CSMD1: variants seen among roughly 807,000 people sequenced by gnomAD.
CSMD1 encodes the protein CUB and Sushi multiple domains 1, also known as CUB and sushi domain-containing protein 1.
In CSMD1, 213 loss-of-function variants were observed where a neutral mutation model predicts 417.5. That is an observed-to-expected ratio of 0.51 (90% CI 0.46 to 0.57). The LOEUF (loss-of-function observed/expected upper bound fraction) is 0.57, where lower values mean the gene tolerates loss of function less well. CSMD1 is among the 20% of genes least tolerant of loss of function. The pLI, the probability that CSMD1 is intolerant of heterozygous loss-of-function variation, is 0.00. For synonymous variants in CSMD1, 2,862 were observed against 1,736.8 expected (o/e 1.65, Z -16.11); for missense variants, 6,923 against 4,529.7 (o/e 1.53, Z -15.17).
chr8:3,253,159 G>T (rs918212157), intron 26 of CSMD1, among the ~76,000 whole-genome samples: 6 of 151,450 alleles, frequency 4.0e-5, no homozygotes, highest in Admixed American at 1.3e-4. Context: ...TTCTCTTGTG[G>T]GCATTTAGTG....
At chr8:4,301,951 A>C (rs1798001824) in intron 3 of CSMD1, among the ~76,000 whole-genome samples, 1 of 152,322 alleles carries the variant, frequency 6.6e-6, no homozygotes, top group African/African-American at 2.4e-5. Context: ...CTAATGCCTT[A>C]TCCTTCTTAG....
intron 2 of CSMD1, among the ~76,000 whole-genome samples, chr8:4,603,006 T>A (rs1430956876): frequency 3.3e-5 from 5 of 152,024 alleles, no homozygotes; most frequent in Non-Finnish European, 7.4e-5. Context: ...GAACTATTTT[T>A]AATAATAAAA....
In CSMD1 at chr8:3,291,793, A is replaced by AT. The variant is rs755100972; in HGVS notation, c.3951-7448_3951-7447insA. On this transcript the variant is annotated intron_variant, in intron 25 of 69. Coordinates refer to ENST00000635120, the MANE Select transcript of CSMD1 (RefSeq NM_033225.6). ...AAAAAGTCAGCTCCTGGATTCATTG[A>AT]CTTTTTTAAGGGTTTTTTGCGTCTC... Among the ~76,000 whole-genome samples, 1,277 of 150,272 alleles carry AT rather than the reference A, an allele frequency of 8.5e-3. 4 individuals carry two copies. The highest frequency in any genetic ancestry group is 0.014 in the Non-Finnish European group (924 of 67,974).
intron 5 of CSMD1, among the ~76,000 whole-genome samples, chr8:3,881,024 A>G (rs1265820660): frequency 2.0e-5 from 3 of 152,158 alleles, no homozygotes; most frequent in African/African-American, 7.2e-5. Flanking sequence ...ATCATTTACA[A>G]TATCAATAAA....
intron 3 of CSMD1, among the ~76,000 whole-genome samples, chr8:4,340,811 T>C (rs1169506828): frequency 1.3e-5 from 2 of 152,100 alleles, no homozygotes; most frequent in African/African-American, 4.8e-5. Flanking sequence ...ACTATGCTGC[T>C]TACCCACTTC....
At chr8:4,774,469 G>A (rs948040761) in intron 1 of CSMD1, among the ~76,000 whole-genome samples, 3 of 152,106 alleles carry the variant, frequency 2.0e-5, no homozygotes, top group African/African-American at 7.2e-5. Context: ...GCCATTTAGA[G>A]TAATATGCTT....
intron 3 of CSMD1, among the ~76,000 whole-genome samples, chr8:4,043,270 C>A (rs1432491165): frequency 6.6e-6 from 1 of 151,772 alleles, no homozygotes; most frequent in Non-Finnish European, 1.5e-5. Flanking sequence ...GGAGATAAAA[C>A]GAATCACAGA....
intron 1 of CSMD1, among the ~76,000 whole-genome samples, chr8:4,758,884 G>T (rs1042678917): frequency 6.6e-6 from 1 of 152,146 alleles, no homozygotes; most frequent in African/African-American, 2.4e-5. Flanking sequence ...TTTGGGTGAG[G>T]ACACAAAGCT....
intron 2 of CSMD1, among the ~76,000 whole-genome samples, chr8:4,595,228 G>C (rs907146064): frequency 6.6e-6 from 1 of 151,880 alleles, no homozygotes; most frequent in Non-Finnish European, 1.5e-5. Context: ...ACTCAAATTG[G>C]CTTGAGTTGG....
chr8:3,540,074 A>C (rs550826667), intron 10 of CSMD1, among the ~76,000 whole-genome samples: 1 of 152,268 alleles, frequency 6.6e-6, no homozygotes, highest in South Asian at 2.1e-4. Context: ...ATTGGCTCAT[A>C]AATAGGCTTC....
At chr8:3,783,901 C>G (rs990391664) in intron 5 of CSMD1, among the ~76,000 whole-genome samples, 2 of 93,278 alleles carry the variant, frequency 2.1e-5, no homozygotes, top group Admixed American at 1.3e-4. Flanking sequence ...GGTTGTGGTG[C>G]AGGCTGGAGC....
chr8:4,228,737 G>A (rs184984742), intron 3 of CSMD1, among the ~76,000 whole-genome samples: 5 of 152,070 alleles, frequency 3.3e-5, no homozygotes, highest in African/African-American at 1.2e-4. Context: ...AGGCTGGAGT[G>A]CAGTGGTGGG....
chr8:4,753,327 G>C (rs936568308), intron 1 of CSMD1, among the ~76,000 whole-genome samples: 1 of 151,716 alleles, frequency 6.6e-6, no homozygotes, highest in Non-Finnish European at 1.5e-5. Flanking sequence ...AGGATAAAAG[G>C]GGCTAGCACT....
At chr8:4,969,012 G>A (rs185270136) in intron 1 of CSMD1, among the ~76,000 whole-genome samples, 17 of 152,204 alleles carry the variant, frequency 1.1e-4, no homozygotes, top group Admixed American at 3.3e-4. Flanking sequence ...AGATACTGTC[G>A]CTTCTGGAAA....
intron 5 of CSMD1, among the ~76,000 whole-genome samples, chr8:3,988,567 C>A (rs1167585182): frequency 2.6e-5 from 4 of 152,178 alleles, no homozygotes; most frequent in Non-Finnish European, 5.9e-5. Flanking sequence ...AGATCACGGT[C>A]TGCATTTTGA....
At chr8:4,192,195 A>G (rs1584994478) in intron 3 of CSMD1, among the ~76,000 whole-genome samples, 1 of 152,218 alleles carries the variant, frequency 6.6e-6, no homozygotes, top group African/African-American at 2.4e-5. Flanking sequence ...GGCTTTAAAA[A>G]TCAAAGTTAA....
rs556588118 is a variant in CSMD1, at chr8:4,933,051, G to T, written c.85+61281C>A. 1.2e-4 allele frequency among the ~76,000 whole-genome samples: 18 copies of T among 152,222 alleles called. No homozygotes were observed. In the East Asian group the frequency reaches 2.9e-3, roughly 24 times the overall value. ...AAAAGATTTTCTTTTTAACTTCAAG[G>T]AATCAGGTAATCAATAGCACTTTCT... On this transcript the variant is annotated intron_variant, in intron 1 of 69. Transcript: ENST00000635120.
At chr8:4,366,814 C>T (rs374502808) in intron 3 of CSMD1, among the ~76,000 whole-genome samples, 11 of 152,114 alleles carry the variant, frequency 7.2e-5, no homozygotes, top group South Asian at 2.1e-4. Flanking sequence ...CCCATTAACT[C>T]GTCATTTGGT....
intron 1 of CSMD1, among the ~76,000 whole-genome samples, chr8:4,649,981 G>C (rs1316746375): frequency 8.5e-5 from 13 of 152,186 alleles, no homozygotes. Context: ...CAGCTGCCTT[G>C]AACATAAGAC....
Sources: gnomAD v4.1 joint callset for allele counts (sites outside exome capture counted in the v4.1 genomes callset) on GRCh38, gnomAD v4.1.1 for gene constraint, MANE v1.5 for transcripts, NCBI Gene and HGNC (gene_info 2026-07-23, HGNC 2026-07-21) for gene names.